Variants in NEXMIF observed in about 807,000 individuals in gnomAD.
NEXMIF encodes the protein neurite extension and migration factor.
NEXMIF carries 8 observed loss-of-function variants against 62.1 expected under a neutral mutation model. The observed-to-expected ratio is 0.13, with a 90% CI of 0.08 to 0.23. NEXMIF has a LOEUF of 0.23. Among genes scored for constraint, NEXMIF ranks in the 10% least tolerant of loss-of-function variants. NEXMIF has a pLI of 1.00. For missense variants in NEXMIF, 976 were observed against 1,113.3 expected, an observed-to-expected ratio of 0.88 and a Z score of 1.75; for synonymous variants, 404 against 416.6, an observed-to-expected ratio of 0.97 and a Z score of 0.37.
intron 1 of NEXMIF, among the ~76,000 whole-genome samples, chrX:74,819,545 T>G (rs1221555404): frequency 8.9e-6 from 1 of 112,001 alleles, no homozygotes; most frequent in Non-Finnish European, 1.9e-5. Flanking sequence ...AAGACACTTT[T>G]CAAACGAAGA....
chrX:74,838,910 T>C (rs2080465526), intron 1 of NEXMIF, among the ~76,000 whole-genome samples: 1 of 112,250 alleles, frequency 8.9e-6, no homozygotes, highest in Admixed American at 9.4e-5. Flanking sequence ...TTCCTCTTTA[T>C]AGTTTTATGG....
intron 1 of NEXMIF, among the ~76,000 whole-genome samples, chrX:74,922,070 T>C (rs2080828855): frequency 9.0e-6 from 1 of 111,451 alleles, no homozygotes; most frequent in African/African-American, 3.3e-5. Context: ...ACTATGGTGG[T>C]CCGTGAGACG....
chrX:74,745,143 G>A (rs765370017), intron 2 of NEXMIF, among the ~76,000 whole-genome samples: 1 of 109,785 alleles, frequency 9.1e-6, no homozygotes, highest in East Asian at 2.9e-4. Flanking sequence ...CACCACACCC[G>A]GCTAATTTTT....
chrX:74,808,542 T>A (rs2080351647), intron 1 of NEXMIF, among the ~76,000 whole-genome samples: 1 of 112,383 alleles, frequency 8.9e-6, no homozygotes, highest in African/African-American at 3.2e-5. Context: ...TCTTGTAATG[T>A]CTTTGTCTGG....
At chrX:74,747,650 T>C (rs1162073419) in intron 1 of NEXMIF, among the ~76,000 whole-genome samples, 4 of 110,457 alleles carry the variant, frequency 3.6e-5, no homozygotes, top group Non-Finnish European at 7.6e-5. Context: ...AACTTTTTTT[T>C]TTTTTTTTGA....
At chrX:74,876,937 C>T (rs1364027084) in intron 1 of NEXMIF, among the ~76,000 whole-genome samples, 1 of 111,356 alleles carries the variant, frequency 9.0e-6, no homozygotes, top group African/African-American at 3.3e-5. Flanking sequence ...GGTCTTGACT[C>T]TTTATCCAAT....
chrX:74,909,709 C>T lies in NEXMIF; in HGVS notation c.-48+15174G>A, dbSNP rs540064624. Among the ~76,000 whole-genome samples the T allele has an allele frequency of 9.3e-4, 104 of 112,195 alleles. No homozygotes were observed. In the South Asian group the frequency reaches 0.034, roughly 37 times the overall value. ...AGGTCTTCATGGCAGCCTCTCCCATCATAGACACAGGAGCCTAAGAGGAAA... is the reference window on the plus strand; with the variant it reads ...AGGTCTTCATGGCAGCCTCTCCCATTATAGACACAGGAGCCTAAGAGGAAA... On this transcript the variant is annotated intron_variant, in intron 1 of 3. Coordinates refer to ENST00000055682, the MANE Select transcript of NEXMIF (RefSeq NM_001008537.3).
intron 1 of NEXMIF, among the ~76,000 whole-genome samples, chrX:74,858,397 C>T (rs901567901): frequency 1.8e-5 from 2 of 112,323 alleles, no homozygotes; most frequent in Admixed American, 9.4e-5. Context: ...CAGATAATTT[C>T]TGTGGATTCT....
intron 1 of NEXMIF, among the ~76,000 whole-genome samples, chrX:74,910,765 G>A (rs909308004): frequency 9.0e-6 from 1 of 111,231 alleles, no homozygotes; most frequent in Admixed American, 9.6e-5. Flanking sequence ...CACGGGGGCA[G>A]TTTCCCCCAT....
At position 74,896,686 on chromosome X, in the gene NEXMIF, C is replaced by A. The variant is rs999472874; in HGVS notation, c.-48+28197G>T. The stretch of plus-strand genomic sequence containing the variant: ...CAGGAATAAAAACTGGTGCCATCTG[C>A]CAAATCTAGTGCAGTCTCTGCAACC... On this transcript the variant is annotated intron_variant, in intron 1 of 3. Coordinates refer to ENST00000055682, the MANE Select transcript of NEXMIF (RefSeq NM_001008537.3). 2.7e-5 allele frequency among the ~76,000 whole-genome samples: 3 copies of A among 111,733 alleles called. No individual in the cohort carries two copies. The Admixed American group carries it at 2.9e-4, about 11-fold the overall frequency.
intron 1 of NEXMIF, among the ~76,000 whole-genome samples, chrX:74,809,760 T>C (rs1251407280): frequency 9.0e-6 from 1 of 111,705 alleles, no homozygotes; most frequent in Non-Finnish European, 1.9e-5. Flanking sequence ...CCAACACCCA[T>C]ACCCAGAGTA....
At chrX:74,861,061 A>G (rs1475141221) in intron 1 of NEXMIF, among the ~76,000 whole-genome samples, 1 of 112,212 alleles carries the variant, frequency 8.9e-6, no homozygotes. Flanking sequence ...CTAAAAAAGG[A>G]TGTCCTAACC....
intron 1 of NEXMIF, among the ~76,000 whole-genome samples, chrX:74,896,467 T>G (rs1293367328): frequency 1.8e-5 from 2 of 112,638 alleles, no homozygotes; most frequent in Non-Finnish European, 3.7e-5. Flanking sequence ...CCCAGAAAGT[T>G]GTGACTTGAA....
intron 1 of NEXMIF, among the ~76,000 whole-genome samples, chrX:74,872,390 T>C (rs1340993411): frequency 4.4e-5 from 4 of 91,374 alleles, no homozygotes; most frequent in Non-Finnish European, 8.2e-5. Context: ...ATTTAACACA[T>C]AGGGATAGAC....
chrX:74,889,827 A>T (rs1285979540), intron 1 of NEXMIF, among the ~76,000 whole-genome samples: 1 of 111,446 alleles, frequency 9.0e-6, no homozygotes, highest in Admixed American at 9.5e-5. Context: ...TAATAACAGA[A>T]AGAGCAATAA....
intron 1 of NEXMIF, among the ~76,000 whole-genome samples, chrX:74,886,918 A>C (rs961340032): frequency 9.1e-6 from 1 of 109,496 alleles, no homozygotes; most frequent in African/African-American, 3.5e-5. Context: ...GGCTACAGTA[A>C]CCAAAACAGC....
chrX:74,775,038 A>AT (rs942266871), intron 1 of NEXMIF, among the ~76,000 whole-genome samples: 1 of 111,447 alleles, frequency 9.0e-6, no homozygotes, highest in Non-Finnish European at 1.9e-5. Context: ...CTGTTAAAAT[A>AT]TTTTTTTGGG....
At chrX:74,860,727 A>C (rs1602254119) in intron 1 of NEXMIF, among the ~76,000 whole-genome samples, 1 of 111,978 alleles carries the variant, frequency 8.9e-6, no homozygotes, top group East Asian at 2.8e-4. Context: ...CAACATATAA[A>C]AACCAATGAG....
intron 1 of NEXMIF, among the ~76,000 whole-genome samples, chrX:74,879,469 GAA>G (rs1383894244): frequency 3.6e-5 from 4 of 111,953 alleles, no homozygotes; most frequent in Non-Finnish European, 5.6e-5. Flanking sequence ...AGGTTACTGA[GAA>G]TAAAGCAAAG....
Sources: allele counts gnomAD v4.1 joint callset (sites outside exome capture counted in the v4.1 genomes callset), GRCh38; gene constraint gnomAD v4.1.1; transcripts MANE v1.5; gene names NCBI Gene and HGNC (gene_info 2026-07-23, HGNC 2026-07-21).